Variants in TRPM3 observed in about 807,000 individuals in gnomAD.
The protein encoded by TRPM3 is long transient receptor potential channel 3.
In TRPM3, 77 loss-of-function variants were observed where a neutral mutation model predicts 181.2. The observed-to-expected ratio is 0.42, with a 90% CI of 0.35 to 0.51. The LOEUF is 0.51. Among genes scored for constraint, TRPM3 ranks in the 20% least tolerant of loss-of-function variants. The pLI, the probability that TRPM3 is intolerant of heterozygous loss-of-function variation, is 0.01. For missense variants in TRPM3, 1,759 were observed against 2,196.7 expected, an observed-to-expected ratio of 0.80 and a Z score of 3.98; for synonymous variants, 745 against 796.4, an observed-to-expected ratio of 0.94 and a Z score of 1.09.
At chr9:71,332,878 C>A (rs2090308050) in intron 1 of TRPM3, among the ~76,000 whole-genome samples, 1 of 150,736 alleles carries the variant, frequency 6.6e-6, no homozygotes, top group African/African-American at 2.5e-5. Flanking sequence ...GTAATATATT[C>A]TAGTAGGTTT....
At chr9:71,397,410 T>A (rs1269973011) in intron 1 of TRPM3, among the ~76,000 whole-genome samples, 2 of 152,216 alleles carry the variant, frequency 1.3e-5, no homozygotes, top group Admixed American at 1.3e-4. Context: ...TGAAATCAGA[T>A]AATCTTATAA....
At chr9:71,215,372 A>T (rs1504396) in intron 1 of TRPM3, among the ~76,000 whole-genome samples, 65,258 of 151,968 alleles carry the variant, frequency 0.43, 14,412 homozygotes, top group East Asian at 0.52. Flanking sequence ...CATTCCTGGT[A>T]GCCCTATCAC....
At chr9:71,316,756 C>T (rs2088631928) in intron 1 of TRPM3, among the ~76,000 whole-genome samples, 1 of 152,062 alleles carries the variant, frequency 6.6e-6, no homozygotes, top group African/African-American at 2.4e-5. Flanking sequence ...TTCTGACTTA[C>T]AGAACTCTAA....
intron 8 of TRPM3, among the ~76,000 whole-genome samples, chr9:70,692,969 C>T (rs1402283138): frequency 6.6e-6 from 1 of 152,210 alleles, no homozygotes; most frequent in Admixed American, 6.5e-5. Context: ...ACATATCTTT[C>T]ATCCTTGAGA....
At chr9:70,953,421 A>G (rs12336978) in intron 1 of TRPM3, among the ~76,000 whole-genome samples, 22,521 of 152,136 alleles carry the variant, frequency 0.15, 1,827 homozygotes, top group Non-Finnish European at 0.16. Flanking sequence ...AGAAAAATAA[A>G]TACAGTTAAA....
intron 1 of TRPM3, among the ~76,000 whole-genome samples, chr9:71,042,791 G>C (rs1230672169): frequency 6.6e-6 from 1 of 152,084 alleles, no homozygotes; most frequent in Non-Finnish European, 1.5e-5. Context: ...AAAAGGTTTT[G>C]AATAAGAAAG....
At chr9:70,590,804 G>A (rs1285886756) in intron 22 of TRPM3, among the ~76,000 whole-genome samples, 1 of 152,096 alleles carries the variant, frequency 6.6e-6, no homozygotes, top group African/African-American at 2.4e-5. Flanking sequence ...ACCAGATGTC[G>A]ATTCGTGTCA....
chr9:71,413,485 C>A (rs2093592179), intron 1 of TRPM3, among the ~76,000 whole-genome samples: 1 of 152,056 alleles, frequency 6.6e-6, no homozygotes, highest in South Asian at 2.1e-4. Flanking sequence ...AGTTAAGCGC[C>A]CAAAACTATA....
At position 71,282,127 on chromosome 9, in the gene TRPM3, C is replaced by A. The variant is rs199862080; in HGVS notation, c.183+164526G>T. On this transcript the variant is annotated intron_variant, in intron 1 of 24. Transcript: ENST00000357533. ...AAAAGAAAGAAAGAAAAAGAAAGAA[C>A]GAAAGAAAGAAAGAAAGGAAAGAAA... Among the ~76,000 whole-genome samples, 495 of 57,408 alleles carry A rather than the reference C, an allele frequency of 8.6e-3. 1 individual carries two copies. Among genetic ancestry groups the A allele is most frequent in the Middle Eastern group, 0.036 (2 of 56 alleles). The allele number at this position is 57,408 out of a possible 152,430, so 37.7% of individuals were successfully genotyped here.
Position 70,531,297 on chromosome 9 carries a change from A to G in TRPM3, c.*4656T>C, listed in dbSNP as rs1055265414. 6.6e-6 allele frequency: 1 copy of G among 152,230 alleles called. No individual in the cohort carries two copies. The highest frequency in any genetic ancestry group is 2.4e-5 in the African/African-American group (1 of 41,464). 9.4% of individuals were successfully genotyped at this position (152,230 alleles called of 1,614,324 possible). A position where few individuals can be genotyped will look rare whatever the true frequency, so the allele number is the denominator to read the frequency against. On this transcript the variant is annotated 3_prime_UTR_variant, in exon 26 of 26. Transcript: ENST00000677713. ...ATTATTTGTTCAGTGCTTAAAAAAAAGATTTAAAAATCCCTTGGTTACTTT... is the reference window on the plus strand; with the variant it reads ...ATTATTTGTTCAGTGCTTAAAAAAAGGATTTAAAAATCCCTTGGTTACTTT...
chr9:71,148,552 C>G (rs1286877416), intron 1 of TRPM3, among the ~76,000 whole-genome samples: 3 of 152,086 alleles, frequency 2.0e-5, no homozygotes, highest in African/African-American at 7.2e-5. Context: ...GCAGAATATA[C>G]AGCCAGTGCA....
chr9:71,219,467 A>T (rs2080100564), intron 1 of TRPM3, among the ~76,000 whole-genome samples: 2 of 152,164 alleles, frequency 1.3e-5, no homozygotes, highest in Admixed American at 1.3e-4. Context: ...AGATATTTAG[A>T]TCATTGACAG....
intron 1 of TRPM3, among the ~76,000 whole-genome samples, chr9:71,073,167 T>C (rs2062997404): frequency 6.6e-6 from 1 of 152,084 alleles, no homozygotes; most frequent in Admixed American, 6.5e-5. Context: ...TCAGACATAG[T>C]GCATGAAAAC....
intron 1 of TRPM3, among the ~76,000 whole-genome samples, chr9:71,119,163 G>T (rs946451503): frequency 1.3e-5 from 2 of 152,056 alleles, no homozygotes; most frequent in African/African-American, 4.8e-5. Flanking sequence ...TTTGAAATGT[G>T]CTCAATATCT....
At chr9:71,336,811 C>T (rs1005248464) in intron 1 of TRPM3, among the ~76,000 whole-genome samples, 11 of 152,166 alleles carry the variant, frequency 7.2e-5, no homozygotes, top group Admixed American at 5.9e-4. Context: ...CATCTATAAC[C>T]ATCTGATCTT....
At chr9:71,427,916 A>C (rs1184483577) in intron 1 of TRPM3, among the ~76,000 whole-genome samples, 1 of 150,592 alleles carries the variant, frequency 6.6e-6, no homozygotes, top group Non-Finnish European at 1.5e-5. Flanking sequence ...TCTGAAATAA[A>C]AGTTGAAAAA....
At chr9:70,850,440 A>T (rs1164328527) in intron 3 of TRPM3, among the ~76,000 whole-genome samples, 3 of 152,188 alleles carry the variant, frequency 2.0e-5, no homozygotes, top group Admixed American at 1.3e-4. Flanking sequence ...TAAAGAAAAG[A>T]ATAAATAAAT....
rs761379173 is a variant in TRPM3, at chr9:71,133,292, C to CTTTTTTTTTTTTTTTTTTTTTT, written c.184-268782_184-268781insAAAAAAAAAAAAAAAAAAAAAA. 5.5e-5 allele frequency among the ~76,000 whole-genome samples: 4 copies of CTTTTTTTTTTTTTTTTTTTTTT among 72,330 alleles called. 1 individual carries two copies. Among genetic ancestry groups the CTTTTTTTTTTTTTTTTTTTTTT allele is most frequent in the Non-Finnish European group, 7.5e-5 (3 of 40,206 alleles). 47.5% of individuals were successfully genotyped at this position (72,330 alleles called of 152,430 possible). ...CATTTGTAATTCTTCTAGCAAATTGCTTTTTTTTTTTTTTTTTTTGAGACA... is the reference window on the plus strand; with the variant it reads ...CATTTGTAATTCTTCTAGCAAATTGCTTTTTTTTTTTTTTTTTTTTTTTTTTTTTTTTTTTTTTTTTGAGACA... On this transcript the variant is annotated intron_variant, in intron 1 of 24. Coordinates refer to the TRPM3 transcript ENST00000357533.
chr9:71,414,798 T>C (rs2093612475), intron 1 of TRPM3, among the ~76,000 whole-genome samples: 1 of 152,102 alleles, frequency 6.6e-6, no homozygotes, highest in African/African-American at 2.4e-5. Context: ...CTCAGTCTTT[T>C]TGACTAAATA....
Sources: allele counts gnomAD v4.1 joint callset (sites outside exome capture counted in the v4.1 genomes callset), GRCh38; gene constraint gnomAD v4.1.1; transcripts MANE v1.5; gene names NCBI Gene and HGNC (gene_info 2026-07-23, HGNC 2026-07-21).